CACNA1A: variants seen among roughly 807,000 people sequenced by gnomAD.
The protein encoded by CACNA1A is calcium voltage-gated channel subunit alpha1 A.
A neutral mutation model predicts 262.4 loss-of-function variants in CACNA1A; 57 were observed. That is an observed-to-expected ratio of 0.22 (90% CI 0.18 to 0.27). The LOEUF is 0.27. Ranked by LOEUF, CACNA1A falls within the 10% of genes least tolerant of loss-of-function variation. The pLI, the probability that CACNA1A is intolerant of heterozygous loss-of-function variation, is 1.00. For synonymous variants in CACNA1A, 1,431 were observed against 1,419.3 expected, an observed-to-expected ratio of 1.01 and a Z score of -0.18; for missense variants, 2,526 against 3,562.8, an observed-to-expected ratio of 0.71 and a Z score of 7.41.
chr19:13,494,595 A>G (rs972288405), intron 1 of CACNA1A, among the ~76,000 whole-genome samples: 2 of 152,218 alleles, frequency 1.3e-5, no homozygotes, highest in Non-Finnish European at 2.9e-5. Context: ...GGACCTTGCT[A>G]CATCAGTGTG....
chr19:13,393,860 C>T (rs934974698), intron 3 of CACNA1A, among the ~76,000 whole-genome samples: 6 of 148,024 alleles, frequency 4.1e-5, no homozygotes, highest in East Asian at 2.1e-4. Context: ...CCATTGCCCA[C>T]GCTGGGGAGC....
rs2056511541 is a variant in CACNA1A, at chr19:13,255,148, C to T, written c.4702G>A (p.Glu1568Lys). The part of the protein sequence containing the change: ...MWQFVVSPPF[E>K]YTIMAMIALN... ...GCGATCATGGCCATGATCGTGTACT[C>T]GAAAGGCGGAGACACCACGAACTGC... Residue 1568 changes from glutamate (E) to lysine (K), a missense_variant, in exon 29 of 47, where the codon GAG becomes AAG. Physicochemically the swap from Glu to Lys is moderately conservative, Grantham distance 56. Coordinates refer to ENST00000360228, the MANE Select transcript of CACNA1A (RefSeq NM_001127222.2). The T allele has an allele frequency of 1.9e-6, 3 of 1,613,740 alleles. No individual in the cohort carries two copies. Among genetic ancestry groups the T allele is most frequent in the East Asian group, 2.2e-5 (1 of 44,876 alleles).
Position 13,384,789 on chromosome 19 carries a change from G to A in CACNA1A, c.540-13010C>T, listed in dbSNP as rs145021157. On this transcript the variant is annotated intron_variant, in intron 3 of 46. Coordinates refer to ENST00000360228, the MANE Select transcript of CACNA1A (RefSeq NM_001127222.2). ...GGAGAGGTCACTGGTCTCCAGGGCC[G>A]CACAGAGGTGAGTAAGAGTAAAGGA... 3.2e-3 allele frequency among the ~76,000 whole-genome samples: 483 copies of A among 152,224 alleles called. 2 individuals carry two copies. The highest frequency in any genetic ancestry group is 0.011 in the African/African-American group (458 of 41,552).
intron 1 of CACNA1A, among the ~76,000 whole-genome samples, chr19:13,458,182 C>T (rs2061050564): frequency 6.6e-6 from 1 of 152,036 alleles, no homozygotes; most frequent in African/African-American, 2.4e-5. Flanking sequence ...TTTAAAGAAA[C>T]ACAATTTTGC....
chr19:13,416,258 G>C (rs1213801259), intron 3 of CACNA1A, among the ~76,000 whole-genome samples: 1 of 148,444 alleles, frequency 6.7e-6, no homozygotes, highest in Non-Finnish European at 1.5e-5. Flanking sequence ...GCACCACCAC[G>C]CCTGGCTAAT....
intron 29 of CACNA1A, among the ~76,000 whole-genome samples, chr19:13,253,445 CT>C (rs57960659): frequency 5.3e-5 from 5 of 94,242 alleles, no homozygotes; most frequent in African/African-American, 1.3e-4. Flanking sequence ...CTGAATTATA[CT>C]TTTTTTTTTT....
chr19:13,214,364 G>A lies in CACNA1A; in HGVS notation c.5840-31C>T. ...GGCACACACACGGTGAGCTCACCAAGGGCAGGCCTCTTTGGGGCCCTTGTC... is the reference window on the plus strand; with the variant it reads ...GGCACACACACGGTGAGCTCACCAAAGGCAGGCCTCTTTGGGGCCCTTGTC... On this transcript the variant is annotated intron_variant, in intron 39 of 46. Coordinates refer to ENST00000360228, the MANE Select transcript of CACNA1A (RefSeq NM_001127222.2). This position sits in a 1 kb window ranked among gnomAD's most constrained non-coding sequence, Gnocchi z 4.1. 1 of 1,606,466 alleles carries A rather than the reference G, an allele frequency of 6.2e-7. No homozygotes were observed. The highest frequency in any genetic ancestry group is 8.5e-7 in the Non-Finnish European group (1 of 1,174,914).
intron 10 of CACNA1A, among the ~76,000 whole-genome samples, chr19:13,323,539 G>GC (rs1426600460): frequency 1.3e-5 from 2 of 152,170 alleles, no homozygotes; most frequent in East Asian, 3.9e-4. Context: ...TCAGCTCACT[G>GC]CAACCTCCTC....
intron 10 of CACNA1A, among the ~76,000 whole-genome samples, chr19:13,317,792 G>A (rs1275092392): frequency 6.6e-6 from 1 of 152,214 alleles, no homozygotes; most frequent in Non-Finnish European, 1.5e-5. Context: ...AGCTGGGTGT[G>A]TCCTCTGCCT....
At chr19:13,377,357 T>C (rs1404712714) in intron 3 of CACNA1A, among the ~76,000 whole-genome samples, 4 of 151,572 alleles carry the variant, frequency 2.6e-5, no homozygotes, top group Non-Finnish European at 4.4e-5. Context: ...GTTGTTTTTA[T>C]GACTTCTAAC....
chr19:13,438,564 C>T (rs1487800663), intron 3 of CACNA1A, among the ~76,000 whole-genome samples: 1 of 152,214 alleles, frequency 6.6e-6, no homozygotes, highest in African/African-American at 2.4e-5. Flanking sequence ...TCATCCTGGA[C>T]CAGTCTGCAG....
At chr19:13,349,277 C>T (rs961771945) in intron 6 of CACNA1A, among the ~76,000 whole-genome samples, 3 of 152,136 alleles carry the variant, frequency 2.0e-5, no homozygotes, top group Non-Finnish European at 2.9e-5. Flanking sequence ...CAGAAGCCCT[C>T]GGCTAAAGGC....
Position 13,212,533 on chromosome 19 carries a change from G to T in CACNA1A, c.6051-11C>A, listed in dbSNP as rs759586410. 2.2e-5 allele frequency: 34 copies of T among 1,558,428 alleles called. No homozygotes were observed. The highest frequency in any genetic ancestry group is 2.9e-5 in the Non-Finnish European group (33 of 1,149,578). On this transcript the variant is annotated splice_polypyrimidine_tract_variant and intron_variant, in intron 41 of 46. Transcript: ENST00000360228. This position sits in a 1 kb window ranked among gnomAD's most constrained non-coding sequence, Gnocchi z 5.6. ...CTTTCGTGAGCCATCCTGCATGGGG[G>T]ACAGAGGCCGGGGTAGCAGTGGGCG... is the stretch of plus-strand genomic sequence containing the variant.
At chr19:13,224,513 A>G (rs1167807056) in intron 38 of CACNA1A, among the ~76,000 whole-genome samples, 154 bp downstream of exon 38, 2 of 150,106 alleles carry the variant, frequency 1.3e-5, no homozygotes, top group Non-Finnish European at 3.0e-5. Flanking sequence ...AAACACCAAA[A>G]CCCCAAACCC....
intron 6 of CACNA1A, among the ~76,000 whole-genome samples, chr19:13,340,391 C>T (rs2058657420): frequency 6.6e-6 from 1 of 151,420 alleles, no homozygotes; most frequent in African/African-American, 2.4e-5. Flanking sequence ...TCCCCATCCT[C>T]CCGGGTGAGA....
chr19:13,301,351 A>G (rs1270975369), intron 17 of CACNA1A, among the ~76,000 whole-genome samples: 2 of 152,206 alleles, frequency 1.3e-5, no homozygotes. Context: ...AACTTTCAAA[A>G]AACACCAACT....
chr19:13,474,569 A>C (rs1005044901), intron 1 of CACNA1A, among the ~76,000 whole-genome samples: 2 of 152,244 alleles, frequency 1.3e-5, no homozygotes, highest in African/African-American at 4.8e-5. Flanking sequence ...CTGTAATCCC[A>C]GCACTTTGGG....
chr19:13,305,095 A>G (rs1326301756), intron 15 of CACNA1A, among the ~76,000 whole-genome samples: 1 of 152,168 alleles, frequency 6.6e-6, no homozygotes, highest in African/African-American at 2.4e-5. Flanking sequence ...CCAGTAGGGG[A>G]GAGGAGAAGT....
At chr19:13,368,993 T>G (rs886379496) in intron 4 of CACNA1A, among the ~76,000 whole-genome samples, 3 of 113,590 alleles carry the variant, frequency 2.6e-5, no homozygotes, top group South Asian at 2.5e-4. Context: ...AGCCGAGATC[T>G]CGCCACTGCA....
Sources: allele counts gnomAD v4.1 joint callset (sites outside exome capture counted in the v4.1 genomes callset), GRCh38; gene constraint gnomAD v4.1.1; non-coding constraint Gnocchi (gnomAD v3.1); transcripts MANE v1.5; gene names NCBI Gene and HGNC (gene_info 2026-07-23, HGNC 2026-07-21).